Variants in GPATCH1 observed in about 807,000 individuals in gnomAD.
GPATCH1 encodes G patch domain-containing protein 1.
A neutral mutation model predicts 114.9 loss-of-function variants in GPATCH1; 73 were observed. The observed-to-expected ratio is 0.64, with a 90% confidence interval of 0.53 to 0.77. The LOEUF is 0.77. GPATCH1 is among the 30% of genes least tolerant of loss of function. The pLI is 0.00. For synonymous variants in GPATCH1, 391 were observed against 428.4 expected (o/e 0.91, Z 1.08); for missense variants, 1,058 against 1,144.3 (o/e 0.92, Z 1.09).
intron 17 of GPATCH1, among the ~76,000 whole-genome samples, chr19:33,119,846 C>A (rs1972957253): frequency 6.7e-6 from 1 of 149,546 alleles, no homozygotes; most frequent in Admixed American, 6.7e-5. Context: ...TTGGTGAAAG[C>A]CCATCTCTAC....
intron 3 of GPATCH1, 28 bp from the exon 4 acceptor site, chr19:33,093,331 A>C: frequency 6.6e-7 from 1 of 1,524,258 alleles, no homozygotes; most frequent in East Asian, 2.3e-5. Context: ...TTTCCAAATA[A>C]TGTAATTCTG....
At position 33,112,018 on chromosome 19, in the gene GPATCH1, T is replaced by C. The variant is rs148285193; in HGVS notation, c.1764+116T>C. 4,503 of 734,324 alleles carry C rather than the reference T, an allele frequency of 6.1e-3. 135 individuals are homozygous for C. The African/African-American group carries it at 0.071, about 12-fold the overall frequency. The allele number at this position is 734,324 out of a possible 1,614,324, so 45.5% of individuals were successfully genotyped here. ...TCTCTCTCTGTCGCCCAGGCTAGAG[T>C]GCAGTGGTGTGATCTCGGCTCACTG... On this transcript the variant is annotated intron_variant, in intron 12 of 19. Transcript: ENST00000170564.
intron 1 of GPATCH1, 95 bp downstream of exon 1, chr19:33,081,361 A>G (rs1010444320): frequency 1.9e-6 from 2 of 1,028,486 alleles, no homozygotes; most frequent in Admixed American, 4.2e-5. Context: ...GACCATTGTT[A>G]GATCGTTCCC....
intron 9 of GPATCH1, among the ~76,000 whole-genome samples, chr19:33,104,635 C>G (rs868003215): frequency 2.0e-5 from 3 of 152,100 alleles, no homozygotes; most frequent in Non-Finnish European, 4.4e-5. Context: ...ATAGCAGACT[C>G]TCTGGGGTGG....
At chr19:33,103,799 C>T (rs1599858149) in intron 9 of GPATCH1, among the ~76,000 whole-genome samples, 2 of 152,096 alleles carry the variant, frequency 1.3e-5, no homozygotes, top group Non-Finnish European at 2.9e-5. Flanking sequence ...CCCCAGGTAG[C>T]TCCCATCCAA....
At position 33,114,900 on chromosome 19, in the gene GPATCH1, C is replaced by A. The variant is rs891985192; in HGVS notation, c.2196+481C>A. On this transcript the variant is annotated intron_variant, in intron 15 of 19. Coordinates refer to ENST00000170564, the MANE Select transcript of GPATCH1 (RefSeq NM_018025.3). Reference sequence around the variant, plus strand: ...TCACTGCAAGCTCTGCCTCCCCTCCCGGGTTCAAGTGATTCTCCTGCCTCA... The same window carrying A: ...TCACTGCAAGCTCTGCCTCCCCTCCAGGGTTCAAGTGATTCTCCTGCCTCA... Among the ~76,000 whole-genome samples the A allele has an allele frequency of 2.0e-5, 3 of 149,982 alleles. No individual in the cohort carries two copies. In the East Asian group the frequency reaches 5.9e-4, roughly 29 times the overall value.
At chr19:33,124,392 C>T (rs766419594) in intron 17 of GPATCH1, among the ~76,000 whole-genome samples, 1 of 150,866 alleles carries the variant, frequency 6.6e-6, no homozygotes, top group Non-Finnish European at 1.5e-5. Context: ...CCCAGGCTGG[C>T]CTTGAACTCC....
At chr19:33,123,777 A>C (rs949161191) in intron 17 of GPATCH1, among the ~76,000 whole-genome samples, 15 of 152,112 alleles carry the variant, frequency 9.9e-5, no homozygotes, top group Non-Finnish European at 2.2e-4. Flanking sequence ...AGGACTACAA[A>C]ATTGCAGGCA....
Position 33,130,036 on chromosome 19 carries a change from A to G in GPATCH1, c.2766-94A>G, listed in dbSNP as rs916058969. The G allele has an allele frequency of 5.9e-6, 5 of 850,332 alleles. No individual in the cohort carries two copies. In the African/African-American group the frequency reaches 6.7e-5, roughly 11 times the overall value. The allele number at this position is 850,332 out of a possible 1,614,324, so 52.7% of individuals were successfully genotyped here. On this transcript the variant is annotated intron_variant, in intron 19 of 19. Coordinates refer to ENST00000170564, the MANE Select transcript of GPATCH1 (RefSeq NM_018025.3). ...GTAGGTGCAGACATGCTGCTGTGATATGGGGAGGCCTGGCATTCTCAGCCT... is the reference window on the plus strand; with the variant it reads ...GTAGGTGCAGACATGCTGCTGTGATGTGGGGAGGCCTGGCATTCTCAGCCT...
chr19:33,120,485 G>A (rs1232913838), intron 17 of GPATCH1, among the ~76,000 whole-genome samples: 2 of 148,038 alleles, frequency 1.4e-5, no homozygotes, highest in Non-Finnish European at 3.0e-5. Flanking sequence ...AAAGGTTGCA[G>A]TGAGCCGAGA....
chr19:33,114,192 G>A, intron 14 of GPATCH1, 61 bp from the exon 15 acceptor site: 1 of 1,385,470 alleles, frequency 7.2e-7, no homozygotes, highest in African/African-American at 1.5e-5. Flanking sequence ...AAAGAGCAGT[G>A]GTGAAGAACT....
intron 1 of GPATCH1, among the ~76,000 whole-genome samples, chr19:33,082,653 G>A (rs1972490900): frequency 6.6e-6 from 1 of 151,986 alleles, no homozygotes; most frequent in Non-Finnish European, 1.5e-5. Flanking sequence ...AGACCAGCCT[G>A]GGCATTGTAG....
At chr19:33,121,301 T>C (rs1972980983) in intron 17 of GPATCH1, among the ~76,000 whole-genome samples, 1 of 143,070 alleles carries the variant, frequency 7.0e-6, no homozygotes. Context: ...TTTTTGTCTT[T>C]TTCTTTTTCT....
At chr19:33,090,327 C>T (rs192714709) in intron 2 of GPATCH1, among the ~76,000 whole-genome samples, 5 of 152,236 alleles carry the variant, frequency 3.3e-5, no homozygotes, top group African/African-American at 7.2e-5. Flanking sequence ...TCTCTTTATC[C>T]ACTCTGACTG....
At chr19:33,129,961 A>AT (rs531709317) in intron 19 of GPATCH1, among the ~76,000 whole-genome samples, 169 bp from the exon 20 acceptor site, 184 of 151,394 alleles carry the variant, frequency 1.2e-3, no homozygotes, top group African/African-American at 3.9e-3. Context: ...AAAAAAAAAA[A>AT]AAGCACAGAT....
intron 11 of GPATCH1, 76 bp from the exon 12 acceptor site, chr19:33,111,648 T>C: frequency 7.8e-7 from 1 of 1,288,032 alleles, no homozygotes; most frequent in Non-Finnish European, 1.1e-6. Flanking sequence ...GATACAGTGG[T>C]GCCCAGCAGA....
intron 5 of GPATCH1, 146 bp downstream of exon 5, chr19:33,094,415 A>G: frequency 1.7e-6 from 1 of 588,538 alleles, no homozygotes; most frequent in South Asian, 2.0e-5. Flanking sequence ...GGCTCAAGTG[A>G]TCCTTCCACG....
chr19:33,083,137 G>C (rs957358508), intron 1 of GPATCH1, among the ~76,000 whole-genome samples: 1 of 150,880 alleles, frequency 6.6e-6, no homozygotes, highest in African/African-American at 2.4e-5. Context: ...CCAGCTACTC[G>C]GGAGGCTGAG....
intron 5 of GPATCH1, among the ~76,000 whole-genome samples, 163 bp downstream of exon 5, chr19:33,094,432 C>T (rs1192123031): frequency 6.6e-6 from 1 of 152,088 alleles, no homozygotes; most frequent in African/African-American, 2.4e-5. Context: ...CACGTTAGCC[C>T]CGCAAGTAGC....
Sources: gnomAD v4.1 joint callset for allele counts (sites outside exome capture counted in the v4.1 genomes callset) on GRCh38, gnomAD v4.1.1 for gene constraint, MANE v1.5 for transcripts, NCBI Gene and HGNC (gene_info 2026-07-23, HGNC 2026-07-21) for gene names.